PADI1: variants seen among roughly 807,000 people sequenced by gnomAD.
PADI1 encodes the protein peptidyl arginine deiminase 1.
PADI1 carries 65 observed loss-of-function variants against 74.8 expected under a neutral mutation model. That is an observed-to-expected ratio of 0.87 (90% CI 0.71 to 1.07). The LOEUF (loss-of-function observed/expected upper bound fraction) is 1.07, where lower values mean the gene tolerates loss of function less well. Among genes scored for constraint, PADI1 ranks in the 50% least tolerant of loss-of-function variants. The pLI is 0.00. For synonymous variants in PADI1, 371 were observed against 336.2 expected, an observed-to-expected ratio of 1.10 and a Z score of -1.13; for missense variants, 943 against 854.0, an observed-to-expected ratio of 1.10 and a Z score of -1.30.
At chr1:17,215,896 C>T (rs1309943645) in intron 1 of PADI1, among the ~76,000 whole-genome samples, 3 of 152,186 alleles carry the variant, frequency 2.0e-5, no homozygotes, top group Non-Finnish European at 4.4e-5. Context: ...TGGGAGGTGG[C>T]CGGTGCCATG....
At chr1:17,218,565 G>GGAA (rs1294330807) in intron 1 of PADI1, among the ~76,000 whole-genome samples, 1 of 152,190 alleles carries the variant, frequency 6.6e-6, no homozygotes, top group Non-Finnish European at 1.5e-5. Flanking sequence ...GTCAATGAGG[G>GGAA]GAAGAAGAGA....
chr1:17,215,378 TTCATCATCATCATCATCG>T lies in PADI1; in HGVS notation c.93-6894_93-6877del, dbSNP rs1249643010. ...GTACCTGTCATTTCTTCCCCCTTCT[TTCATCATCATCATCATCG>T]TCATCATCATCATCATCATCATTTT... On this transcript the variant is annotated intron_variant, in intron 1 of 15. Coordinates refer to ENST00000375471, the MANE Select transcript of PADI1 (RefSeq NM_013358.3). 2.7e-5 allele frequency among the ~76,000 whole-genome samples: 4 copies of T among 148,438 alleles called. No homozygotes were observed. In the South Asian group the frequency reaches 6.3e-4, roughly 23 times the overall value.
In PADI1 at chr1:17,244,623, C is replaced by A. The variant is rs2072847538; in HGVS notation, c.*380C>A. 2 of 370,218 alleles carry A rather than the reference C, an allele frequency of 5.4e-6. No individual in the cohort carries two copies. Among genetic ancestry groups the A allele is most frequent in the Non-Finnish European group, 1.1e-5 (2 of 186,208 alleles). The allele number at this position is 370,218 out of a possible 1,614,324, so 22.9% of individuals were successfully genotyped here. ...CAAGGATAATGACTTTGCATCTGCA[C>A]CTGGAACGGGGCCTGGGGGACCTGG... is the stretch of plus-strand genomic sequence containing the variant. On this transcript the variant is annotated 3_prime_UTR_variant, in exon 16 of 16. Coordinates refer to ENST00000375471, the MANE Select transcript of PADI1 (RefSeq NM_013358.3).
chr1:17,206,269 C>T (rs999366528), intron 1 of PADI1, among the ~76,000 whole-genome samples: 1 of 152,184 alleles, frequency 6.6e-6, no homozygotes, highest in Admixed American at 6.5e-5. Flanking sequence ...GCCCCTGTAC[C>T]TGCTGGTCTG....
chr1:17,238,727 G>A lies in PADI1; in HGVS notation c.1552+18G>A, dbSNP rs775143513. Reference sequence around the variant, plus strand: ...GTTTGATGGTGAGTGCCAATGACCCGGTCACCCCTGGGGGACCCTGCCCTT... The same window carrying A: ...GTTTGATGGTGAGTGCCAATGACCCAGTCACCCCTGGGGGACCCTGCCCTT... On this transcript the variant is annotated intron_variant, in intron 13 of 15. Transcript: ENST00000375471. 1.3e-5 allele frequency: 18 copies of A among 1,367,992 alleles called. No homozygotes were observed. The highest frequency in any genetic ancestry group is 4.7e-5 in the Admixed American group (2 of 42,770). The allele number at this position is 1,367,992 out of a possible 1,614,324, so 84.7% of individuals were successfully genotyped here. A position where few individuals can be genotyped will look rare whatever the true frequency, so the allele number is the denominator to read the frequency against.
intron 1 of PADI1, among the ~76,000 whole-genome samples, chr1:17,210,008 C>T (rs1462332416): frequency 6.6e-6 from 1 of 151,914 alleles, no homozygotes; most frequent in Non-Finnish European, 1.5e-5. Flanking sequence ...TTATGCACCA[C>T]CCCGTATTTT....
intron 14 of PADI1, chr1:17,240,299 C>A (rs1176256528): frequency 3.9e-6 from 1 of 256,648 alleles, no homozygotes; most frequent in East Asian, 8.6e-5. Context: ...CCGGTAGTGC[C>A]CAGCGCTTTC....
intron 4 of PADI1, among the ~76,000 whole-genome samples, chr1:17,224,878 G>A (rs774381893): frequency 2.6e-5 from 4 of 151,790 alleles, no homozygotes; most frequent in Non-Finnish European, 5.9e-5. Context: ...GGCTCAAGGC[G>A]TCACCCCACA....
At chr1:17,220,525 CTG>C (rs1358340062) in intron 1 of PADI1, among the ~76,000 whole-genome samples, 4 of 152,144 alleles carry the variant, frequency 2.6e-5, no homozygotes, top group African/African-American at 9.7e-5. Flanking sequence ...GGGCCAGACA[CTG>C]TTACAGGTGT....
chr1:17,213,233 C>T (rs1412444973), intron 1 of PADI1, among the ~76,000 whole-genome samples: 1 of 99,912 alleles, frequency 1.0e-5, no homozygotes, highest in Non-Finnish European at 2.2e-5. Context: ...GAAAAGAAAG[C>T]TGATCAGCTC....
At position 17,228,767 on chromosome 1, in the gene PADI1, T is replaced by C. The variant is rs772837666; in HGVS notation, c.795T>C (p.Val265=). ...CCGATGCCGATTTCCTAGGGCTGGT[T>C]TCCCTCAGTGTCAGCCTGGTGGACC... ...TFPDADFLGL[V]SLSVSLVDPG... The change falls in exon 7 of 16, where the codon GTT becomes GTC. Residue 265 remains valine, a synonymous_variant. Coordinates refer to ENST00000375471, the MANE Select transcript of PADI1 (RefSeq NM_013358.3). The C allele has an allele frequency of 1.9e-6, 3 of 1,614,158 alleles. No individual in the cohort carries two copies. The highest frequency in any genetic ancestry group is 2.5e-6 in the Non-Finnish European group (3 of 1,180,018).
intron 15 of PADI1, 143 bp downstream of exon 15, chr1:17,240,903 TC>T: frequency 1.0e-6 from 1 of 995,200 alleles, no homozygotes; most frequent in Non-Finnish European, 1.5e-6. Flanking sequence ...TAGAGAACAT[TC>T]CCATCAGTGG....
chr1:17,230,169 C>A lies in PADI1; in HGVS notation c.1014C>A (p.Ile338=). ...LTLKANCKLT[I]CPQVENRNDR... is the part of the protein sequence containing the mutation. ...TGAAAGCCAACTGCAAGCTGACCAT[C>A]TGCCCTCAAGTTGAAAATCGAAATG... Residue 338 remains isoleucine, a synonymous_variant, in exon 9 of 16, where the codon ATC becomes ATA. Transcript: ENST00000375471. 6.2e-7 allele frequency: 1 copy of A among 1,614,196 alleles called. No individual in the cohort carries two copies. Among genetic ancestry groups the A allele is most frequent in the Non-Finnish European group, 8.5e-7 (1 of 1,180,016 alleles).
rs1317933630 is a variant in PADI1, at chr1:17,205,214, C to T, written c.-4C>T. The T allele has an allele frequency of 6.2e-7, 1 of 1,613,356 alleles. No individual in the cohort carries two copies. Among genetic ancestry groups the T allele is most frequent in the Non-Finnish European group, 8.5e-7 (1 of 1,179,494 alleles). Reference sequence around the variant, plus strand: ...ATCTAGGAGGCTGGGAGCCAGGTGACAGGATGGCCCCAAAGAGAGTTGTGC... The same window carrying T: ...ATCTAGGAGGCTGGGAGCCAGGTGATAGGATGGCCCCAAAGAGAGTTGTGC... On this transcript the variant is annotated 5_prime_UTR_variant, in exon 1 of 16. Transcript: ENST00000375471.
chr1:17,222,634 C>T (rs1463127489), intron 2 of PADI1, among the ~76,000 whole-genome samples, 164 bp downstream of exon 2: 4 of 152,134 alleles, frequency 2.6e-5, no homozygotes, highest in African/African-American at 9.7e-5. Flanking sequence ...ATGCCACTGA[C>T]GCCCAAAACA....
At chr1:17,223,130 G>T (rs2072206832) in intron 2 of PADI1, among the ~76,000 whole-genome samples, 2 of 152,162 alleles carry the variant, frequency 1.3e-5, no homozygotes, top group Non-Finnish European at 2.9e-5. Flanking sequence ...TGTCGACTGG[G>T]GCCATCCCAG....
At chr1:17,230,824 C>T (rs1006948434) in intron 10 of PADI1, 145 bp downstream of exon 10, 1 of 602,950 alleles carries the variant, frequency 1.7e-6, no homozygotes, top group Non-Finnish European at 2.9e-6. Context: ...TGTCAGCAAA[C>T]TGGGGAGCCA....
At chr1:17,231,114 T>C (rs2072479628) in intron 10 of PADI1, among the ~76,000 whole-genome samples, 1 of 152,176 alleles carries the variant, frequency 6.6e-6, no homozygotes, top group African/African-American at 2.4e-5. Context: ...TGCCAGGCAC[T>C]GTGCTACCTC....
chr1:17,229,292 C>A (rs1358246891), intron 8 of PADI1, among the ~76,000 whole-genome samples: 1 of 152,098 alleles, frequency 6.6e-6, no homozygotes, highest in African/African-American at 2.4e-5. Context: ...GGCTTTCCTG[C>A]CCATCCTGTC....
Sources: allele counts gnomAD v4.1 joint callset (sites outside exome capture counted in the v4.1 genomes callset), GRCh38; gene constraint gnomAD v4.1.1; transcripts MANE v1.5; gene names NCBI Gene and HGNC (gene_info 2026-07-23, HGNC 2026-07-21).